SYT7: variants seen among roughly 807,000 people sequenced by gnomAD.
SYT7 encodes synaptotagmin-7.
Under a neutral mutation model 75.1 loss-of-function variants are expected in SYT7, and 29 were observed. The ratio of observed to expected loss-of-function variants is 0.39; its 90% CI spans 0.29 to 0.53. The LOEUF (loss-of-function observed/expected upper bound fraction) is 0.53, where lower values mean the gene tolerates loss of function less well. SYT7 is among the 20% of genes least tolerant of loss of function. The pLI, the probability that SYT7 is intolerant of heterozygous loss-of-function variation, is 0.77. For missense variants in SYT7, 693 were observed against 953.2 expected, an observed-to-expected ratio of 0.73 and a Z score of 3.59; for synonymous variants, 376 against 401.7, an observed-to-expected ratio of 0.94 and a Z score of 0.76.
intron 9 of SYT7, among the ~76,000 whole-genome samples, chr11:61,527,049 T>G (rs2062541594): frequency 6.6e-6 from 1 of 152,160 alleles, no homozygotes; most frequent in South Asian, 2.1e-4. Flanking sequence ...GGCCCTGGGA[T>G]AGAAATCACT....
At chr11:61,533,788 AAATTTT>A (rs1252430345) in intron 7 of SYT7, 249 of 506,734 alleles carry the variant, frequency 4.9e-4, no homozygotes, top group Admixed American at 6.4e-4. Flanking sequence ...CTGAGAGCTG[AAATTTT>A]AATTTTGTTG....
intron 1 of SYT7, among the ~76,000 whole-genome samples, chr11:61,557,506 C>A (rs772606015): frequency 6.6e-6 from 1 of 152,148 alleles, no homozygotes; most frequent in Non-Finnish European, 1.5e-5. Flanking sequence ...GGGCTCCCTC[C>A]CTCCTCCACT....
upstream of SYT7, among the ~76,000 whole-genome samples, chr11:61,584,586 T>G (rs1264180728): frequency 1.3e-5 from 2 of 152,218 alleles, no homozygotes; most frequent in Admixed American, 6.5e-5. Flanking sequence ...TCTGCTGCAT[T>G]AGAAGGCTAA....
intron 3 of SYT7, among the ~76,000 whole-genome samples, chr11:61,547,968 C>G (rs2063240917): frequency 6.6e-6 from 1 of 152,232 alleles, no homozygotes; most frequent in African/African-American, 2.4e-5. Context: ...CTTTCTCCTC[C>G]TCCTCCCACT....
In SYT7 at chr11:61,542,481, T is replaced by G; in HGVS notation, c.671A>C (p.Gln224Pro). 6.5e-7 allele frequency: 1 copy of G among 1,532,970 alleles called. No individual in the cohort carries two copies. The highest frequency in any genetic ancestry group is 1.4e-5 in the African/African-American group (1 of 72,980). The allele number at this position is 1,532,970 out of a possible 1,614,324, so 95.0% of individuals were successfully genotyped here. Residue 224 changes from glutamine (Q) to proline (P), a missense_variant, in exon 6 of 13, where the codon CAG becomes CCG. This residue lies in a region of SYT7 where 487 missense variants were observed against 593.2 expected (regional missense o/e 0.82). Coordinates refer to ENST00000539008, the MANE Select transcript of SYT7 (RefSeq NM_001365809.2). This position sits in a 1 kb window ranked among gnomAD's most constrained non-coding sequence, Gnocchi z 7.8. ...GCTCAGCGGCTGTTGCAGGCTCTGC[T>G]GCCGCATCAGGGTGCGGGGTCGCTG... ...KCQRPRTLMR[Q>P]QSLQQPLSQH...
Position 61,523,426 on chromosome 11 carries a change from G to A in SYT7, c.1757-152C>T, listed in dbSNP as rs767531108. The A allele has an allele frequency of 1.7e-5, 12 of 725,516 alleles. No individual in the cohort carries two copies. Among genetic ancestry groups the A allele is most frequent in the Admixed American group, 2.6e-5 (1 of 38,772 alleles). 44.9% of individuals were successfully genotyped at this position (725,516 alleles called of 1,614,324 possible). On this transcript the variant is annotated intron_variant, in intron 11 of 12. Coordinates refer to ENST00000539008, the MANE Select transcript of SYT7 (RefSeq NM_001365809.2). This position sits in a 1 kb window ranked among gnomAD's most constrained non-coding sequence, Gnocchi z 5.0. ...CCCAGGCAAGAACAAGAGGGACCTG[G>A]GAGAATCAGCAGATGGACCTTAGCG...
chr11:61,535,277 C>A (rs1205102063), intron 7 of SYT7, among the ~76,000 whole-genome samples: 1 of 152,128 alleles, frequency 6.6e-6, no homozygotes, highest in Non-Finnish European at 1.5e-5. Context: ...GAGCGTGCGG[C>A]CAACAGGAGA....
rs1202052886 is a variant in SYT7 at position 61,546,300 on chromosome 11, T to C, written c.348-45A>G. ...AGCCAGGCCAGAGGGGCACCGGGGGTGGCGGTGGGGGAGAGAGGGCAGGCC... is the reference window on the plus strand; with the variant it reads ...AGCCAGGCCAGAGGGGCACCGGGGGCGGCGGTGGGGGAGAGAGGGCAGGCC... On this transcript the variant is annotated intron_variant, in intron 4 of 12. Coordinates refer to ENST00000539008, the MANE Select transcript of SYT7 (RefSeq NM_001365809.2). The surrounding 1 kb of genome is among the most constrained non-coding windows in gnomAD (Gnocchi z 7.6). 20 of 1,340,952 alleles carry C rather than the reference T, an allele frequency of 1.5e-5. No homozygotes were observed. The highest frequency in any genetic ancestry group is 1.9e-5 in the Non-Finnish European group (20 of 1,034,248). The allele number at this position is 1,340,952 out of a possible 1,614,324, so 83.1% of individuals were successfully genotyped here.
intron 1 of SYT7, among the ~76,000 whole-genome samples, chr11:61,569,432 G>T (rs538055846): frequency 6.6e-6 from 1 of 152,232 alleles, no homozygotes; most frequent in African/African-American, 2.4e-5. Flanking sequence ...GTGGGAGAGA[G>T]CAAGGGGACA....
chr11:61,533,654 A>T (rs1194997344), intron 7 of SYT7: 2 of 985,264 alleles, frequency 2.0e-6, no homozygotes, highest in East Asian at 2.3e-4. Flanking sequence ...TCCAGACGTG[A>T]GACTGACCAG....
intron 8 of SYT7, among the ~76,000 whole-genome samples, chr11:61,531,316 G>A (rs981628004): frequency 1.3e-5 from 2 of 152,206 alleles, no homozygotes; most frequent in African/African-American, 4.8e-5. Context: ...CAAGGGGCAG[G>A]CAAGCTGGCT....
chr11:61,538,127 C>T lies in SYT7; in HGVS notation c.1064+17G>A. 1.3e-6 allele frequency: 2 copies of T among 1,535,768 alleles called. No homozygotes were observed. The highest frequency in any genetic ancestry group is 1.7e-6 in the Non-Finnish European group (2 of 1,146,664). On this transcript the variant is annotated intron_variant, in intron 7 of 12. Transcript: ENST00000539008. ...TTCTCTGCCGCCGCCGCCGCAGGCC[C>T]TCGCCTGTGCTCGTACCTCTTGTCC... is the stretch of plus-strand genomic sequence containing the variant.
chr11:61,541,608 C>A (rs961598036), intron 6 of SYT7, among the ~76,000 whole-genome samples: 1 of 151,890 alleles, frequency 6.6e-6, no homozygotes, highest in Admixed American at 6.6e-5. Context: ...TGGGTCATTA[C>A]TGGAGGAAGG....
At chr11:61,572,978 G>A (rs879559171) in intron 1 of SYT7, among the ~76,000 whole-genome samples, 11 of 152,252 alleles carry the variant, frequency 7.2e-5, no homozygotes, top group Non-Finnish European at 1.3e-4. Flanking sequence ...CAGTGTGAGG[G>A]CGTTTGCCTT....
At chr11:61,570,016 C>T (rs140919347) in intron 1 of SYT7, among the ~76,000 whole-genome samples, 1 of 152,354 alleles carries the variant, frequency 6.6e-6, no homozygotes, top group East Asian at 1.9e-4. Context: ...GCCACCCCCT[C>T]GAGTAGGCTG....
At chr11:61,583,573 T>C (rs1488349570), upstream of SYT7, among the ~76,000 whole-genome samples, 1 of 152,176 alleles carries the variant, frequency 6.6e-6, no homozygotes, top group African/African-American at 2.4e-5. Flanking sequence ...GGAGTAAGAA[T>C]CACTCTGGTT....
intron 1 of SYT7, among the ~76,000 whole-genome samples, chr11:61,574,451 T>C (rs1344432529): frequency 6.6e-6 from 1 of 152,182 alleles, no homozygotes; most frequent in Non-Finnish European, 1.5e-5. Flanking sequence ...TACTGAGTGC[T>C]CCACAAGGCT....
intron 1 of SYT7, among the ~76,000 whole-genome samples, chr11:61,567,648 C>T (rs2063807990): frequency 6.6e-6 from 1 of 152,238 alleles, no homozygotes; most frequent in African/African-American, 2.4e-5. Context: ...GGCCGCCCCG[C>T]GAACGTGGTA....
intron 4 of SYT7, 56 bp downstream of exon 4, chr11:61,547,121 A>C: frequency 1.3e-6 from 2 of 1,519,438 alleles, no homozygotes; most frequent in Non-Finnish European, 1.8e-6. Context: ...GGAGGAGGGA[A>C]GGAGGGCGTG....
Sources: gnomAD v4.1 joint callset for allele counts (sites outside exome capture counted in the v4.1 genomes callset) on GRCh38, gnomAD v4.1.1 for gene constraint, gnomAD v4.1.1 regional missense constraint, Gnocchi (gnomAD v3.1) non-coding constraint, MANE v1.5 for transcripts, NCBI Gene and HGNC (gene_info 2026-07-23, HGNC 2026-07-21) for gene names.